The following CNTN6 variants were observed in gnomAD, a reference collection of about 807,000 sequenced individuals.
CNTN6 encodes the protein contactin 6.
Under a neutral mutation model 122.8 loss-of-function variants are expected in CNTN6, and 137 were observed. The observed-to-expected ratio is 1.12, with a 90% CI of 0.97 to 1.29. CNTN6 has a LOEUF of 1.29. Among genes scored for constraint, CNTN6 ranks in the 50% most tolerant of loss-of-function variants. The pLI is 0.00. For synonymous variants in CNTN6, 570 were observed against 426.0 expected, an observed-to-expected ratio of 1.34 and a Z score of -4.16; for missense variants, 1,634 against 1,223.4, an observed-to-expected ratio of 1.34 and a Z score of -5.01.
chr3:1,136,377 C>T (rs1033582555), intron 1 of CNTN6, among the ~76,000 whole-genome samples: 21 of 152,022 alleles, frequency 1.4e-4, no homozygotes, highest in Non-Finnish European at 3.1e-4. Context: ...TTCTGTGAAG[C>T]GTTCACTGTT....
intron 4 of CNTN6, among the ~76,000 whole-genome samples, chr3:1,232,972 G>C (rs1008702492): frequency 6.6e-6 from 1 of 152,170 alleles, no homozygotes; most frequent in African/African-American, 2.4e-5. Flanking sequence ...AGTGTGGGGA[G>C]GTGGGCAAAA....
At position 1,199,175 on chromosome 3, in the gene CNTN6, C is replaced by CTTTT. The variant is rs58536354; in HGVS notation, c.56-21497_56-21494dup. 1.2e-3 allele frequency among the ~76,000 whole-genome samples: 148 copies of CTTTT among 124,134 alleles called. 1 individual carries two copies. The highest frequency in any genetic ancestry group is 1.6e-3 in the Non-Finnish European group (95 of 61,126). The allele number at this position is 124,134 out of a possible 152,430, so 81.4% of individuals were successfully genotyped here. A position where few individuals can be genotyped will look rare whatever the true frequency, so the allele number is the denominator to read the frequency against. On this transcript the variant is annotated intron_variant, in intron 2 of 22. Transcript: ENST00000446702. ...CCTGAACCATGAGAGACAATATATG[C>CTTTT]TTTTTTTTTTTTTTTTTTCCTGAGA...
intron 12 of CNTN6, among the ~76,000 whole-genome samples, chr3:1,354,773 AT>A (rs898396677): frequency 8.6e-5 from 13 of 151,568 alleles, no homozygotes; most frequent in Non-Finnish European, 1.8e-4. Flanking sequence ...ACAGTTTTCA[AT>A]TTTTCAGGGT....
intron 4 of CNTN6, 22 bp downstream of exon 4, chr3:1,228,015 TA>T: frequency 1.2e-6 from 2 of 1,604,380 alleles, no homozygotes; most frequent in Non-Finnish European, 1.7e-6. Flanking sequence ...GTAAATTTTG[TA>T]ATCTTTGTCT....
Position 1,374,088 on chromosome 3 carries a change from T to G in CNTN6, c.2095+15T>G, listed in dbSNP as rs887979489. 2 of 1,610,930 alleles carry G rather than the reference T, an allele frequency of 1.2e-6. No homozygotes were observed. Among genetic ancestry groups the G allele is most frequent in the Middle Eastern group, 3.3e-4 (2 of 6,042 alleles). On this transcript the variant is annotated intron_variant, in intron 16 of 22. Transcript: ENST00000446702. ...TAAAGCATCAGGTAAAGAATCAATG[T>G]GTTCTAAAAGTGTGGAAGATTTCGT... is the stretch of plus-strand genomic sequence containing the variant.
intron 11 of CNTN6, among the ~76,000 whole-genome samples, chr3:1,335,327 C>G (rs1188591470): frequency 6.6e-6 from 1 of 152,144 alleles, no homozygotes; most frequent in East Asian, 1.9e-4. Flanking sequence ...CCTCTGGCAG[C>G]CAAGGAACAA....
intron 2 of CNTN6, among the ~76,000 whole-genome samples, chr3:1,153,554 A>G (rs993412669): frequency 1.3e-5 from 2 of 152,228 alleles, no homozygotes; most frequent in African/African-American, 4.8e-5. Context: ...CAGTATTTTT[A>G]CATAGCTTAC....
At chr3:1,352,202 G>T in intron 11 of CNTN6, 122 bp from the exon 12 acceptor site, 1 of 840,954 alleles carries the variant, frequency 1.2e-6, no homozygotes, top group Non-Finnish European at 1.7e-6. Context: ...AATAGGAAAG[G>T]AAAAAATTCA....
chr3:1,106,772 T>A (rs2091244511), intron 1 of CNTN6, among the ~76,000 whole-genome samples: 1 of 152,128 alleles, frequency 6.6e-6, no homozygotes, highest in African/African-American at 2.4e-5. Context: ...TCTGGGCTCA[T>A]GGTTAGCCAG....
chr3:1,339,388 G>C (rs1430706880), intron 11 of CNTN6, among the ~76,000 whole-genome samples: 2 of 152,110 alleles, frequency 1.3e-5, no homozygotes, highest in African/African-American at 4.8e-5. Flanking sequence ...TATAAGTATA[G>C]TGGCAAACCA....
intron 2 of CNTN6, among the ~76,000 whole-genome samples, chr3:1,158,105 A>C (rs2093017883): frequency 1.3e-5 from 2 of 152,200 alleles, no homozygotes; most frequent in Non-Finnish European, 2.9e-5. Flanking sequence ...GAGGAAGCCC[A>C]AAACTGTTGT....
intron 11 of CNTN6, among the ~76,000 whole-genome samples, chr3:1,338,577 G>C (rs532619452): frequency 1.5e-4 from 23 of 152,212 alleles, no homozygotes; most frequent in African/African-American, 4.8e-4. Context: ...CTATCTCACT[G>C]TTGAAGAGAT....
At chr3:1,256,508 T>C (rs992875615) in intron 4 of CNTN6, among the ~76,000 whole-genome samples, 18 of 152,110 alleles carry the variant, frequency 1.2e-4, no homozygotes, top group African/African-American at 4.1e-4. Context: ...AGAGTTCAAT[T>C]TCAGAGATGT....
At position 1,231,686 on chromosome 3, in the gene CNTN6, G is replaced by T. The variant is rs187229911; in HGVS notation, c.358+3693G>T. Among the ~76,000 whole-genome samples, 30 of 152,264 alleles carry T rather than the reference G, an allele frequency of 2.0e-4. No individual in the cohort carries two copies. The East Asian group carries it at 5.2e-3, about 26-fold the overall frequency. ...CTTAGACAAGTCATTCAGTTCTCTG[G>T]ATTTAGCTAAAGTATATTTTGAATT... On this transcript the variant is annotated intron_variant, in intron 4 of 22. Transcript: ENST00000446702.
intron 20 of CNTN6, among the ~76,000 whole-genome samples, chr3:1,388,084 A>G (rs571101215): frequency 2.0e-5 from 3 of 152,034 alleles, no homozygotes. Flanking sequence ...CCTGCCTGCA[A>G]CTGTAGGCTC....
At chr3:1,235,041 T>C (rs2094403853) in intron 4 of CNTN6, among the ~76,000 whole-genome samples, 1 of 152,212 alleles carries the variant, frequency 6.6e-6, no homozygotes, top group Non-Finnish European at 1.5e-5. Flanking sequence ...CCTCATTTTT[T>C]CCCACACTAT....
chr3:1,258,737 A>G (rs1468679280), intron 4 of CNTN6, among the ~76,000 whole-genome samples: 1 of 152,042 alleles, frequency 6.6e-6, no homozygotes. Context: ...ATCTTGGCAT[A>G]CTTAGGTTCA....
At position 1,295,634 on chromosome 3, in the gene CNTN6, C is replaced by A; in HGVS notation, c.488C>A (p.Pro163His). The change falls in exon 6 of 23, where the codon CCC becomes CAC. Residue 163 changes from proline to histidine, a missense_variant. Coordinates refer to ENST00000446702, the MANE Select transcript of CNTN6 (RefSeq NM_001289080.2). Reference sequence around the variant, plus strand: ...TATGCATGGACCTTCAATGATAACCCCTTATACGTCCAAGAGGACAATAGG... The same window carrying A: ...TATGCATGGACCTTCAATGATAACCACTTATACGTCCAAGAGGACAATAGG... ...LSYAWTFNDN[P>H]LYVQEDNRRF... The A allele has an allele frequency of 6.2e-7, 1 of 1,613,774 alleles. No homozygotes were observed. Among genetic ancestry groups the A allele is most frequent in the Non-Finnish European group, 8.5e-7 (1 of 1,179,870 alleles).
chr3:1,133,189 T>C (rs951119406), intron 1 of CNTN6, among the ~76,000 whole-genome samples: 5 of 152,150 alleles, frequency 3.3e-5, no homozygotes, highest in African/African-American at 1.2e-4. Context: ...AAATGAAGGT[T>C]TAATGAAAAT....
Sources: gnomAD v4.1 joint callset for allele counts (sites outside exome capture counted in the v4.1 genomes callset) on GRCh38, gnomAD v4.1.1 for gene constraint, MANE v1.5 for transcripts, NCBI Gene and HGNC (gene_info 2026-07-23, HGNC 2026-07-21) for gene names.